Variants in CNTN5 observed in about 807,000 individuals in gnomAD.
CNTN5 encodes the protein contactin-5.
A neutral mutation model predicts 129.1 loss-of-function variants in CNTN5; 77 were observed. That is an observed-to-expected ratio of 0.60 (90% confidence interval 0.50 to 0.72). The LOEUF (loss-of-function observed/expected upper bound fraction) is 0.72, where lower values mean the gene tolerates loss of function less well. Among genes scored for constraint, CNTN5 ranks in the 30% least tolerant of loss-of-function variants. CNTN5 has a pLI of 0.00. For synonymous variants in CNTN5, 509 were observed against 465.6 expected, an observed-to-expected ratio of 1.09 and a Z score of -1.20; for missense variants, 1,478 against 1,328.8, an observed-to-expected ratio of 1.11 and a Z score of -1.75.
In CNTN5 at chr11:99,635,341, G is replaced by T. The variant is rs996671770; in HGVS notation, c.55+79072G>T. ...ATGCGAGTCAGTTAAATTCTTTGAG[G>T]CCCAGTTTCTTTAAGATGAGGAAAA... On this transcript the variant is annotated intron_variant, in intron 3 of 24. Coordinates refer to ENST00000524871, the MANE Select transcript of CNTN5 (RefSeq NM_014361.4). Among the ~76,000 whole-genome samples the T allele has an allele frequency of 4.6e-5, 7 of 152,190 alleles. No homozygotes were observed. The East Asian group carries it at 1.4e-3, about 29-fold the overall frequency.
chr11:99,631,252 TAA>T (rs1419045412), intron 3 of CNTN5, among the ~76,000 whole-genome samples: 2 of 152,126 alleles, frequency 1.3e-5, no homozygotes, highest in African/African-American at 4.8e-5. Context: ...TGATTTTTAA[TAA>T]GAGATAATGG....
chr11:99,945,555 AC>A (rs1248346736), intron 7 of CNTN5, among the ~76,000 whole-genome samples: 5 of 151,056 alleles, frequency 3.3e-5, no homozygotes, highest in Middle Eastern at 3.2e-3. Context: ...CATTTTGAGC[AC>A]TTACTATATA....
chr11:99,630,361 G>T (rs1363488495), intron 3 of CNTN5, among the ~76,000 whole-genome samples: 1 of 151,884 alleles, frequency 6.6e-6, no homozygotes, highest in Non-Finnish European at 1.5e-5. Flanking sequence ...GGGTGGCAGG[G>T]TTTATAAGGA....
chr11:100,088,596 C>A (rs546483942), intron 13 of CNTN5, among the ~76,000 whole-genome samples: 2 of 152,158 alleles, frequency 1.3e-5, no homozygotes, highest in South Asian at 4.1e-4. Context: ...TCCTCAGAGA[C>A]TATTATGAAC....
chr11:99,183,954 A>G (rs974628865), intron 1 of CNTN5, among the ~76,000 whole-genome samples: 5 of 152,062 alleles, frequency 3.3e-5, no homozygotes, highest in Admixed American at 1.3e-4. Context: ...TTATTCACAT[A>G]TCTAATAGAT....
chr11:99,839,029 T>C (rs1294067483), intron 4 of CNTN5, among the ~76,000 whole-genome samples: 3 of 152,108 alleles, frequency 2.0e-5, no homozygotes, highest in Non-Finnish European at 2.9e-5. Flanking sequence ...ACAAGTAGGT[T>C]TGGAAAAATT....
In CNTN5 at chr11:99,682,001, A is replaced by C. The variant is rs183746975; in HGVS notation, c.55+125732A>C. 2.7e-3 allele frequency among the ~76,000 whole-genome samples: 404 copies of C among 152,186 alleles called. 3 individuals carry two copies. The highest frequency in any genetic ancestry group is 6.8e-3 in the Middle Eastern group (2 of 294). On this transcript the variant is annotated intron_variant, in intron 3 of 24. Transcript: ENST00000524871. The stretch of plus-strand genomic sequence containing the variant: ...AGTGGAATTTCAGGAAACACAAAAA[A>C]GGGTAAGCCAAGCATTTTAGGTCTA...
At chr11:99,848,416 A>G (rs182222858) in intron 6 of CNTN5, among the ~76,000 whole-genome samples, 1 of 152,270 alleles carries the variant, frequency 6.6e-6, no homozygotes, top group East Asian at 1.9e-4. Context: ...ACCAGGCTTT[A>G]TTTATCTAAA....
intron 1 of CNTN5, among the ~76,000 whole-genome samples, chr11:99,293,045 A>G (rs1192768935): frequency 6.6e-6 from 1 of 152,168 alleles, no homozygotes; most frequent in Non-Finnish European, 1.5e-5. Flanking sequence ...TCACCATTCA[A>G]TAAGAAGTTA....
intron 3 of CNTN5, among the ~76,000 whole-genome samples, chr11:99,656,924 CTAATT>C (rs1346464883): frequency 7.3e-6 from 1 of 136,828 alleles, no homozygotes; most frequent in African/African-American, 2.7e-5. Context: ...AGTTCAGTAT[CTAATT>C]TAACCCAGAC....
intron 1 of CNTN5, among the ~76,000 whole-genome samples, chr11:99,185,570 C>T (rs539462333): frequency 1.3e-5 from 2 of 151,702 alleles, no homozygotes; most frequent in African/African-American, 2.4e-5. Flanking sequence ...GTTTTTTTTC[C>T]CTATGACCTT....
chr11:99,219,054 T>C (rs1860270178), intron 1 of CNTN5, among the ~76,000 whole-genome samples: 1 of 151,970 alleles, frequency 6.6e-6, no homozygotes. Context: ...TTATTGCCTT[T>C]GTTAATTTAC....
chr11:99,804,529 G>T (rs1194829516), intron 3 of CNTN5, among the ~76,000 whole-genome samples: 1 of 147,602 alleles, frequency 6.8e-6, no homozygotes. Flanking sequence ...TAATTTTTGA[G>T]ATAGAAAAAA....
Position 99,945,590 on chromosome 11 carries a change from T to C in CNTN5, c.674-11216T>C, listed in dbSNP as rs569988732. 1.8e-3 allele frequency among the ~76,000 whole-genome samples: 269 copies of C among 150,646 alleles called. 1 individual carries two copies. The highest frequency in any genetic ancestry group is 6.6e-3 in the African/African-American group (267 of 40,252). ...TACCTGAAATAATGATGTTAACACT[T>C]TTTTTTCTGAAATTTCCCACAAAAT... is the stretch of plus-strand genomic sequence containing the variant. On this transcript the variant is annotated intron_variant, in intron 7 of 24. Coordinates refer to ENST00000524871, the MANE Select transcript of CNTN5 (RefSeq NM_014361.4).
At chr11:99,565,744 T>C (rs1298353161) in intron 3 of CNTN5, among the ~76,000 whole-genome samples, 1 of 152,194 alleles carries the variant, frequency 6.6e-6, no homozygotes, top group African/African-American at 2.4e-5. Context: ...ATTGGGTTGT[T>C]AGGTAATCAT....
chr11:99,400,850 T>C (rs919700394), intron 2 of CNTN5, among the ~76,000 whole-genome samples: 5 of 152,208 alleles, frequency 3.3e-5, no homozygotes, highest in African/African-American at 1.2e-4. Context: ...CACCTTTTCA[T>C]GTGTTGCTTT....
chr11:99,144,743 T>A (rs1859693474), intron 1 of CNTN5, among the ~76,000 whole-genome samples: 1 of 152,164 alleles, frequency 6.6e-6, no homozygotes, highest in South Asian at 2.1e-4. Flanking sequence ...TTCATTGAAT[T>A]TTTAATTTCC....
At chr11:99,368,263 C>G (rs1366313794) in intron 2 of CNTN5, among the ~76,000 whole-genome samples, 1 of 151,608 alleles carries the variant, frequency 6.6e-6, no homozygotes, top group African/African-American at 2.4e-5. Context: ...TCTAGAGTAC[C>G]CTTGAGTATG....
intron 3 of CNTN5, among the ~76,000 whole-genome samples, chr11:99,660,692 A>AG (rs1293389434): frequency 1.3e-5 from 2 of 152,116 alleles, no homozygotes; most frequent in African/African-American, 4.8e-5. Context: ...CTTACGCTAG[A>AG]GGAGCTGTGT....
Sources: allele counts gnomAD v4.1 joint callset (sites outside exome capture counted in the v4.1 genomes callset), GRCh38; gene constraint gnomAD v4.1.1; transcripts MANE v1.5; gene names NCBI Gene and HGNC (gene_info 2026-07-23, HGNC 2026-07-21).